Variants in LGSN observed in about 807,000 individuals in gnomAD.
LGSN encodes the protein lengsin, lens protein with glutamine synthetase domain, also known as lengsin.
Under a neutral mutation model 19.5 loss-of-function variants are expected in LGSN, and 21 were observed. The ratio of observed to expected loss-of-function variants is 1.07; its 90% CI spans 0.76 to 1.55. LGSN has a LOEUF of 1.55. LGSN is among the 40% of genes most tolerant of loss of function. The pLI is 0.00. For missense variants in LGSN, 673 were observed against 608.5 expected (o/e 1.11, Z -1.12); for synonymous variants, 257 against 215.6 (o/e 1.19, Z -1.68).
the LGSN span, among the ~76,000 whole-genome samples, chr6:63,513,970 T>C: frequency 3.4e-5 from 5 of 147,180 alleles, no homozygotes; most frequent in Admixed American, 3.4e-4. Context: ...TTTATTCCAA[T>C]GTGGCTTTAG....
chr6:63,383,406 T>A, the LGSN span, among the ~76,000 whole-genome samples: 52 of 142,770 alleles, frequency 3.6e-4, no homozygotes, highest in Middle Eastern at 0.011. Flanking sequence ...ACACACACAC[T>A]CTTGCATGCA....
chr6:63,540,040 A>T, the LGSN span, among the ~76,000 whole-genome samples: 1 of 152,128 alleles, frequency 6.6e-6, no homozygotes, highest in Non-Finnish European at 1.5e-5. Context: ...GACAATCTAG[A>T]GTTTCTTGGT....
the LGSN span, among the ~76,000 whole-genome samples, chr6:63,414,977 G>T: frequency 6.6e-6 from 1 of 152,050 alleles, no homozygotes; most frequent in Admixed American, 6.6e-5. Context: ...TTAAAATAAA[G>T]AATAAAATAA....
intron 2 of LGSN, among the ~76,000 whole-genome samples, chr6:63,290,671 T>C (rs922411582): frequency 6.6e-6 from 1 of 152,242 alleles, no homozygotes; most frequent in African/African-American, 2.4e-5. Context: ...GGCAAGCATT[T>C]TCTGTAAAGG....
the LGSN span, among the ~76,000 whole-genome samples, chr6:63,371,184 C>G: frequency 6.6e-6 from 1 of 152,156 alleles, no homozygotes; most frequent in African/African-American, 2.4e-5. Context: ...TCTATTCAGA[C>G]AAATCTAAGT....
At chr6:63,385,618 T>G in the LGSN span, among the ~76,000 whole-genome samples, 3 of 152,216 alleles carry the variant, frequency 2.0e-5, no homozygotes, top group African/African-American at 4.8e-5. Context: ...TCTTAAGTTT[T>G]GCCTCCAACC....
chr6:63,420,620 A>T, the LGSN span, among the ~76,000 whole-genome samples: 3 of 152,214 alleles, frequency 2.0e-5, no homozygotes, highest in Admixed American at 6.5e-5. Context: ...GGCAGTAAAA[A>T]GGTGGTAGCG....
chr6:63,287,182 A>ATATTAGTGATAATGTGC (rs1250827200), intron 2 of LGSN, among the ~76,000 whole-genome samples: 1 of 152,258 alleles, frequency 6.6e-6, no homozygotes, highest in Non-Finnish European at 1.5e-5. Context: ...ATATGCAAAT[A>ATATTAGTGATAATGTGC]TATTAGTGAT....
the LGSN span, among the ~76,000 whole-genome samples, chr6:63,424,510 C>CACACACACAG: frequency 9.9e-5 from 4 of 40,512 alleles, no homozygotes; most frequent in Non-Finnish European, 2.1e-4. Flanking sequence ...CAAAACCAGA[C>CACACACACAG]ACACACACAC....
the LGSN span, among the ~76,000 whole-genome samples, chr6:63,331,629 G>T: frequency 6.6e-6 from 1 of 152,102 alleles, no homozygotes; most frequent in East Asian, 1.9e-4. Context: ...CACCAACGCA[G>T]CAGCAGAAAC....
chr6:63,319,025 G>C (rs563386418), intron 1 of LGSN, among the ~76,000 whole-genome samples: 1 of 152,246 alleles, frequency 6.6e-6, no homozygotes, highest in African/African-American at 2.4e-5. Flanking sequence ...CCTCCTCAGG[G>C]AGTGCCTTCT....
At chr6:63,505,948 C>T in the LGSN span, among the ~76,000 whole-genome samples, 1 of 151,686 alleles carries the variant, frequency 6.6e-6, no homozygotes, top group Admixed American at 6.6e-5. Context: ...TGCGCCCAGC[C>T]GTCATATTTT....
the LGSN span, among the ~76,000 whole-genome samples, chr6:63,552,200 A>G: frequency 1.3e-5 from 2 of 152,076 alleles, no homozygotes; most frequent in Non-Finnish European, 2.9e-5. Flanking sequence ...CCTCTCCAGC[A>G]CCTGTTATTT....
rs200465794 is a variant in LGSN at position 63,285,606 on chromosome 6, A to T, written c.311T>A (p.Ile104Asn). ...ACTCACTTGAAAAAAGTGTGCAGGG[A>T]TAGTCTTAGACCTGGACACGCCGTG... ...DLHGVSRSKTIPAHFFQEKVS... is the reference protein window; with the variant it reads ...DLHGVSRSKTNPAHFFQEKVS... The change falls in exon 3 of 4, where the codon ATC (isoleucine) becomes AAC (asparagine). Residue 104 changes from isoleucine (I) to asparagine (N), a missense_variant. Ile to Asn is a moderately radical substitution (Grantham distance 149, BLOSUM62 -3). Transcript: ENST00000370657. 1.9e-6 allele frequency: 3 copies of T among 1,613,720 alleles called. No homozygotes were observed. Among genetic ancestry groups the T allele is most frequent in the African/African-American group, 1.3e-5 (1 of 75,044 alleles).
the LGSN span, among the ~76,000 whole-genome samples, chr6:63,429,732 T>C: frequency 4.2e-5 from 4 of 94,718 alleles, no homozygotes; most frequent in Non-Finnish European, 8.4e-5. Context: ...CAAGACTCCA[T>C]CTCAAAAAAA....
At chr6:63,480,839 A>C in the LGSN span, among the ~76,000 whole-genome samples, 1 of 144,282 alleles carries the variant, frequency 6.9e-6, no homozygotes, top group Admixed American at 7.0e-5. Context: ...AAAAAAAAAA[A>C]CTTGCACACA....
chr6:63,529,650 C>G, the LGSN span, among the ~76,000 whole-genome samples: 4 of 152,064 alleles, frequency 2.6e-5, no homozygotes, highest in Admixed American at 1.3e-4. Flanking sequence ...AGCAGCCAAC[C>G]CTGTTTGCAT....
chr6:63,561,023 G>T, the LGSN span, among the ~76,000 whole-genome samples: 6 of 152,158 alleles, frequency 3.9e-5, no homozygotes, highest in African/African-American at 1.4e-4. Context: ...CTTTGTAATG[G>T]AATAATTCCT....
At chr6:63,455,359 T>C in the LGSN span, among the ~76,000 whole-genome samples, 13 of 152,354 alleles carry the variant, frequency 8.5e-5, no homozygotes, top group African/African-American at 3.1e-4. Flanking sequence ...ACCTGGCATT[T>C]GTGATACAAA....
Sources: allele counts gnomAD v4.1 joint callset (sites outside exome capture counted in the v4.1 genomes callset), GRCh38; gene constraint gnomAD v4.1.1; transcripts MANE v1.5; gene names NCBI Gene and HGNC (gene_info 2026-07-23, HGNC 2026-07-21).